BNIP1: variants seen among roughly 807,000 people sequenced by gnomAD.
BNIP1 encodes vesicle transport protein SEC20.
A neutral mutation model predicts 28.5 loss-of-function variants in BNIP1; 25 were observed. The ratio of observed to expected loss-of-function variants is 0.88; its 90% CI spans 0.64 to 1.23. BNIP1 has a LOEUF of 1.23. BNIP1 is among the 50% of genes most tolerant of loss of function. The pLI is 0.00. For missense variants in BNIP1, 276 were observed against 277.0 expected, an observed-to-expected ratio of 1.00 and a Z score of 0.02; for synonymous variants, 118 against 101.7, an observed-to-expected ratio of 1.16 and a Z score of -0.96.
At chr5:173,156,487 A>AT (rs1410280462) in intron 3 of BNIP1, among the ~76,000 whole-genome samples, 1 of 151,966 alleles carries the variant, frequency 6.6e-6, no homozygotes, top group African/African-American at 2.4e-5. Flanking sequence ...TTAAAAAAAA[A>AT]AAAAATTAGC....
intron 2 of BNIP1, 108 bp downstream of exon 2, chr5:173,147,066 T>G: frequency 1.2e-6 from 1 of 839,382 alleles, no homozygotes; most frequent in Non-Finnish European, 2.0e-6. Context: ...CAGTAAACAC[T>G]TAGACAGGGA....
chr5:173,147,788 G>A (rs1759883162), intron 2 of BNIP1, among the ~76,000 whole-genome samples: 1 of 151,830 alleles, frequency 6.6e-6, no homozygotes, highest in African/African-American at 2.4e-5. Flanking sequence ...GCTGGGCAAA[G>A]AGTTGTGCAC....
chr5:173,149,078 C>T (rs1165479562), intron 2 of BNIP1, among the ~76,000 whole-genome samples: 1 of 152,142 alleles, frequency 6.6e-6, no homozygotes, highest in Admixed American at 6.5e-5. Context: ...AACATGCCTG[C>T]TCCTCTAGAC....
At chr5:173,154,639 C>G (rs1760127687) in intron 3 of BNIP1, among the ~76,000 whole-genome samples, 1 of 152,088 alleles carries the variant, frequency 6.6e-6, no homozygotes. Context: ...TCTTCTGCCT[C>G]AGCCTCCTGA....
intron 2 of BNIP1, among the ~76,000 whole-genome samples, chr5:173,153,700 A>G (rs1161855521): frequency 1.3e-5 from 2 of 151,980 alleles, no homozygotes; most frequent in East Asian, 1.9e-4. Flanking sequence ...GCAAGCATCT[A>G]TGTTTTCCCT....
chr5:173,162,984 TA>T (rs1760405301), intron 5 of BNIP1, among the ~76,000 whole-genome samples: 1 of 152,240 alleles, frequency 6.6e-6, no homozygotes, highest in Admixed American at 6.5e-5. Flanking sequence ...CGTTCCTTTA[TA>T]CTTTCCCTTT....
At chr5:173,158,367 C>T (rs1760264927) in intron 3 of BNIP1, among the ~76,000 whole-genome samples, 1 of 152,226 alleles carries the variant, frequency 6.6e-6, no homozygotes, top group Admixed American at 6.5e-5. Context: ...AGCAGTACAG[C>T]CTTAGAGGCA....
intron 3 of BNIP1, among the ~76,000 whole-genome samples, chr5:173,156,033 GTGTA>G (rs1279039696): frequency 6.6e-6 from 1 of 152,218 alleles, no homozygotes; most frequent in African/African-American, 2.4e-5. Context: ...GCAAGCAGCT[GTGTA>G]TGTAACAGTC....
At chr5:173,163,054 A>G (rs1489207340) in intron 5 of BNIP1, among the ~76,000 whole-genome samples, 3 of 152,144 alleles carry the variant, frequency 2.0e-5, no homozygotes, top group Non-Finnish European at 4.4e-5. Flanking sequence ...GTTTTGTGGG[A>G]GAACCTCGCC....
chr5:173,149,332 C>T (rs1409870452), intron 2 of BNIP1, among the ~76,000 whole-genome samples: 2 of 152,068 alleles, frequency 1.3e-5, no homozygotes, highest in African/African-American at 4.8e-5. Context: ...ATATGGATGG[C>T]AGCAGGCAAA....
rs945111051 is a variant in BNIP1 at position 173,164,177 on chromosome 5, A to G, written c.*256A>G. ...CCGCCTCCTTCCACCATTGTGCACTATGGGAGGCCGCTGCTGCGTGGAGCA... is the reference window on the plus strand; with the variant it reads ...CCGCCTCCTTCCACCATTGTGCACTGTGGGAGGCCGCTGCTGCGTGGAGCA... On this transcript the variant is annotated 3_prime_UTR_variant, in exon 6 of 6. Transcript: ENST00000351486. The surrounding 1 kb of genome is among the most constrained non-coding windows in gnomAD (Gnocchi z 4.0). 1 of 339,486 alleles carries G rather than the reference A, an allele frequency of 2.9e-6. No individual in the cohort carries two copies. Among genetic ancestry groups the G allele is most frequent in the Middle Eastern group, 8.0e-4 (1 of 1,252 alleles). 21.0% of individuals were successfully genotyped at this position (339,486 alleles called of 1,614,324 possible).
chr5:173,162,496 G>A (rs968375737), intron 5 of BNIP1, among the ~76,000 whole-genome samples: 2 of 152,156 alleles, frequency 1.3e-5, no homozygotes, highest in East Asian at 3.8e-4. Flanking sequence ...GGGCGTGGTG[G>A]TGCATGCCTG....
intron 3 of BNIP1, among the ~76,000 whole-genome samples, chr5:173,156,107 G>A (rs1760178261): frequency 6.6e-6 from 1 of 152,186 alleles, no homozygotes; most frequent in Non-Finnish European, 1.5e-5. Context: ...GTGTAAGCAG[G>A]GAGGGCTGTA....
chr5:173,157,281 C>A (rs1760227889), intron 3 of BNIP1, among the ~76,000 whole-genome samples: 1 of 152,146 alleles, frequency 6.6e-6, no homozygotes, highest in African/African-American at 2.4e-5. Context: ...TTCATGTACT[C>A]TGTGTTTTGA....
intron 2 of BNIP1, chr5:173,151,517 G>C: frequency 6.4e-7 from 1 of 1,565,596 alleles, no homozygotes. Context: ...CACCACACCT[G>C]GTCTCTCATT....
Position 173,158,763 on chromosome 5 carries a change from A to G in BNIP1, c.289A>G (p.Lys97Glu). Residue 97 changes from lysine to glutamate, a missense_variant, in exon 4 of 6, where the codon AAA (lysine) becomes GAA (glutamate). Transcript: ENST00000351486. ...TTCCAGCAATCAGGCCTCATGGAGGAAAGCTAATCTCACCTGCAAAATTGC... is the reference window on the plus strand; with the variant it reads ...TTCCAGCAATCAGGCCTCATGGAGGGAAGCTAATCTCACCTGCAAAATTGC... ...QMLSNQASWR[K>E]ANLTCKIAID... 1 of 1,614,088 alleles carries G rather than the reference A, an allele frequency of 6.2e-7. No homozygotes were observed. Among genetic ancestry groups the G allele is most frequent in the Non-Finnish European group, 8.5e-7 (1 of 1,179,978 alleles).
intron 2 of BNIP1, among the ~76,000 whole-genome samples, chr5:173,148,689 G>T (rs1219298048): frequency 1.3e-5 from 2 of 152,090 alleles, no homozygotes; most frequent in Non-Finnish European, 2.9e-5. Flanking sequence ...ATTATCTGGA[G>T]ACATTCCTGC....
intron 3 of BNIP1, 81 bp from the exon 4 acceptor site, chr5:173,158,663 G>T (rs1160200581): frequency 1.7e-6 from 2 of 1,159,114 alleles, no homozygotes. Flanking sequence ...GTGTGCCTTT[G>T]TTGGGGGGAA....
In BNIP1 at chr5:173,164,297, G is replaced by T. The variant is rs1760449102; in HGVS notation, c.*376G>T. On this transcript the variant is annotated 3_prime_UTR_variant, in exon 6 of 6. Coordinates refer to ENST00000351486, the MANE Select transcript of BNIP1 (RefSeq NM_001205.3). The surrounding 1 kb of genome is among the most constrained non-coding windows in gnomAD (Gnocchi z 4.0). ...ATCTGGTGGAGGGAAGAGAGAAGAG[G>T]TAGGAAGAAAGGTGATGAAAACTCC... is the stretch of plus-strand genomic sequence containing the variant. 1 of 181,392 alleles carries T rather than the reference G, an allele frequency of 5.5e-6. No homozygotes were observed. The highest frequency in any genetic ancestry group is 1.1e-5 in the Non-Finnish European group (1 of 87,920). 11.2% of individuals were successfully genotyped at this position (181,392 alleles called of 1,614,324 possible).
Sources: gnomAD v4.1 joint callset for allele counts (sites outside exome capture counted in the v4.1 genomes callset) on GRCh38, gnomAD v4.1.1 for gene constraint, Gnocchi (gnomAD v3.1) non-coding constraint, MANE v1.5 for transcripts, NCBI Gene and HGNC (gene_info 2026-07-23, HGNC 2026-07-21) for gene names.